Variants in LRP1B observed in about 807,000 individuals in gnomAD.
LRP1B encodes low-density lipoprotein receptor-related protein 1B.
LRP1B carries 217 observed loss-of-function variants against 556.6 expected under a neutral mutation model. The observed-to-expected ratio is 0.39, with a 90% confidence interval of 0.35 to 0.44. The LOEUF is 0.44. Ranked by LOEUF, LRP1B falls within the 20% of genes least tolerant of loss-of-function variation. LRP1B has a pLI of 1.00. For missense variants in LRP1B, 5,053 were observed against 5,620.8 expected, an observed-to-expected ratio of 0.90 and a Z score of 3.23; for synonymous variants, 2,047 against 1,865.8, an observed-to-expected ratio of 1.10 and a Z score of -2.50.
intron 3 of LRP1B, among the ~76,000 whole-genome samples, chr2:141,257,258 A>G (rs967635042): frequency 2.0e-5 from 3 of 152,176 alleles, no homozygotes; most frequent in African/African-American, 7.2e-5. Flanking sequence ...AAGGTTTCTC[A>G]CAGAAAATAG....
chr2:141,129,384 T>TA (rs1371895826), intron 7 of LRP1B, among the ~76,000 whole-genome samples: 2 of 152,046 alleles, frequency 1.3e-5, no homozygotes, highest in African/African-American at 4.8e-5. Flanking sequence ...AACAGATATG[T>TA]AAAAAAATTA....
chr2:141,581,131 C>T (rs1030052106), intron 2 of LRP1B, among the ~76,000 whole-genome samples: 1 of 152,030 alleles, frequency 6.6e-6, no homozygotes, highest in Non-Finnish European at 1.5e-5. Context: ...TTTTGTTTTC[C>T]AGGTTGAAGC....
chr2:140,582,183 G>A (rs1681793925), intron 43 of LRP1B, among the ~76,000 whole-genome samples: 1 of 152,102 alleles, frequency 6.6e-6, no homozygotes, highest in African/African-American at 2.4e-5. Flanking sequence ...TCTCTGTTAT[G>A]CCTATAGTAG....
chr2:140,656,675 C>A (rs2105331326), intron 41 of LRP1B, among the ~76,000 whole-genome samples: 1 of 152,194 alleles, frequency 6.6e-6, no homozygotes, highest in African/African-American at 2.4e-5. Context: ...AAGTGTATGT[C>A]TGTGTATCTC....
intron 86 of LRP1B, among the ~76,000 whole-genome samples, chr2:140,253,235 T>C (rs947928013): frequency 6.6e-6 from 1 of 152,044 alleles, no homozygotes; most frequent in Non-Finnish European, 1.5e-5. Flanking sequence ...AACTAAATTG[T>C]AATACTGAGA....
intron 1 of LRP1B, among the ~76,000 whole-genome samples, chr2:142,120,607 C>T (rs1320224515): frequency 1.3e-5 from 2 of 152,188 alleles, no homozygotes; most frequent in Non-Finnish European, 2.9e-5. Flanking sequence ...CTGCAAATTT[C>T]TTCAACAAAC....
rs535537155 is a variant in LRP1B, at chr2:141,260,416, T to G, written c.344-5775A>C. Among the ~76,000 whole-genome samples the G allele has an allele frequency of 2.0e-5, 3 of 152,320 alleles. No homozygotes were observed. In the South Asian group the frequency reaches 6.2e-4, roughly 32 times the overall value. On this transcript the variant is annotated intron_variant, in intron 3 of 90. Transcript: ENST00000389484. ...CTTTTCACAAATGTATGCGAGTATA[T>G]GATTTAGGAAACACATGTAAATAAA...
chr2:141,611,884 G>A (rs954736984), intron 2 of LRP1B, among the ~76,000 whole-genome samples: 6 of 152,282 alleles, frequency 3.9e-5, no homozygotes, highest in Non-Finnish European at 8.8e-5. Context: ...GACACAGCCC[G>A]ATTTAATGGG....
chr2:140,349,268 A>G (rs1681847473), intron 77 of LRP1B, among the ~76,000 whole-genome samples: 1 of 152,144 alleles, frequency 6.6e-6, no homozygotes, highest in Non-Finnish European at 1.5e-5. Context: ...CTGAAAAATT[A>G]TGTCAAAATT....
chr2:141,754,244 G>GA (rs145439331), intron 2 of LRP1B, among the ~76,000 whole-genome samples: 5,876 of 149,052 alleles, frequency 0.039, 353 homozygotes, highest in African/African-American at 0.14. Context: ...CTACGGCAAT[G>GA]AAAAAAAAAA....
At chr2:141,909,637 G>C (rs771413993) in intron 1 of LRP1B, among the ~76,000 whole-genome samples, 1 of 147,496 alleles carries the variant, frequency 6.8e-6, no homozygotes, top group African/African-American at 2.5e-5. Context: ...GTGCTCACCA[G>C]TGGAGCCATA....
chr2:140,322,128 G>C lies in LRP1B; in HGVS notation c.12515-40C>G, dbSNP rs570168652. 3.2e-6 allele frequency: 5 copies of C among 1,572,024 alleles called. No homozygotes were observed. In the African/African-American group the frequency reaches 4.1e-5, roughly 13 times the overall value. ...GAAAACAAAGAAGTGTGTAAATATA[G>C]ATACAATAGGCTTCAAAAGCATAAA... On this transcript the variant is annotated intron_variant, in intron 81 of 90. Transcript: ENST00000389484.
chr2:141,597,500 A>G (rs1351835133), intron 2 of LRP1B, among the ~76,000 whole-genome samples: 1 of 152,090 alleles, frequency 6.6e-6, no homozygotes, highest in Non-Finnish European at 1.5e-5. Context: ...CTCATATTCT[A>G]AACTTCCATC....
intron 20 of LRP1B, among the ~76,000 whole-genome samples, chr2:140,943,317 T>G (rs1027815232): frequency 6.6e-6 from 1 of 151,978 alleles, no homozygotes; most frequent in African/African-American, 2.4e-5. Context: ...TACACAATAA[T>G]AGTGGGGGAC....
chr2:141,843,694 G>A (rs1697551338), intron 1 of LRP1B, among the ~76,000 whole-genome samples: 8 of 152,012 alleles, frequency 5.3e-5, no homozygotes, highest in Admixed American at 5.2e-4. Context: ...AGACAGCCTG[G>A]ACCAGGTATT....
intron 2 of LRP1B, among the ~76,000 whole-genome samples, chr2:141,569,059 T>C (rs949919355): frequency 2.6e-5 from 4 of 151,054 alleles, no homozygotes; most frequent in Non-Finnish European, 5.9e-5. Flanking sequence ...TGAGCCACCG[T>C]GCCCGGCCAT....
intron 1 of LRP1B, among the ~76,000 whole-genome samples, chr2:141,906,071 G>A (rs1378827533): frequency 6.6e-6 from 1 of 151,212 alleles, no homozygotes; most frequent in Non-Finnish European, 1.5e-5. Flanking sequence ...GTGGGAGGGG[G>A]AAGAAAATGA....
chr2:140,856,303 C>T (rs901049813), intron 27 of LRP1B, among the ~76,000 whole-genome samples: 3 of 152,132 alleles, frequency 2.0e-5, no homozygotes, highest in Non-Finnish European at 2.9e-5. Flanking sequence ...ATCTTTCTGC[C>T]GTAAAACATT....
chr2:141,938,445 T>C (rs1700700881), intron 1 of LRP1B, among the ~76,000 whole-genome samples: 2 of 152,160 alleles, frequency 1.3e-5, no homozygotes, highest in African/African-American at 4.8e-5. Context: ...GAGATAAATG[T>C]TGGCTTTGTT....
Sources: allele counts gnomAD v4.1 joint callset (sites outside exome capture counted in the v4.1 genomes callset), GRCh38; gene constraint gnomAD v4.1.1; transcripts MANE v1.5; gene names NCBI Gene and HGNC (gene_info 2026-07-23, HGNC 2026-07-21).